Variants in SDK1 observed in about 807,000 individuals in gnomAD.
The protein encoded by SDK1 is protein sidekick-1.
A neutral mutation model predicts 245.5 loss-of-function variants in SDK1; 157 were observed. The ratio of observed to expected loss-of-function variants is 0.64; its 90% CI spans 0.56 to 0.73. SDK1 has a LOEUF of 0.73. Ranked by LOEUF, SDK1 falls within the 30% of genes least tolerant of loss-of-function variation. SDK1 has a pLI of 0.00. For synonymous variants in SDK1, 1,647 were observed against 1,278.5 expected (o/e 1.29, Z -6.15); for missense variants, 3,583 against 3,002.3 (o/e 1.19, Z -4.52).
At chr7:3,751,830 C>G (rs943037481) in intron 4 of SDK1, among the ~76,000 whole-genome samples, 1 of 152,172 alleles carries the variant, frequency 6.6e-6, no homozygotes, top group African/African-American at 2.4e-5. Context: ...GAGGACCGCT[C>G]CCTTCTGAAA....
intron 28 of SDK1, among the ~76,000 whole-genome samples, chr7:4,143,622 C>T (rs1311269436): frequency 1.3e-5 from 2 of 152,194 alleles, no homozygotes; most frequent in Non-Finnish European, 2.9e-5. Context: ...TTTGAAGGGC[C>T]CGCTAGCTTC....
At chr7:3,447,928 T>G (rs1236730698) in intron 1 of SDK1, among the ~76,000 whole-genome samples, 1 of 151,688 alleles carries the variant, frequency 6.6e-6, no homozygotes, top group African/African-American at 2.4e-5. Flanking sequence ...GGTCTCGAAT[T>G]CCCGAGCTCA....
chr7:4,253,474 C>T (rs1483684271), intron 44 of SDK1, among the ~76,000 whole-genome samples: 1 of 152,106 alleles, frequency 6.6e-6, no homozygotes, highest in African/African-American at 2.4e-5. Context: ...CTAATTATAT[C>T]CTATTTTGGT....
chr7:3,492,954 A>G (rs1445876471), intron 1 of SDK1, among the ~76,000 whole-genome samples: 1 of 151,828 alleles, frequency 6.6e-6, no homozygotes, highest in Non-Finnish European at 1.5e-5. Flanking sequence ...TTATTTTTTT[A>G]TTTTTCTATT....
At chr7:4,233,787 C>T (rs561998511) in intron 41 of SDK1, among the ~76,000 whole-genome samples, 1 of 152,300 alleles carries the variant, frequency 6.6e-6, no homozygotes, top group Non-Finnish European at 1.5e-5. Context: ...TCCTGGGCTG[C>T]TCCCTGCTTC....
intron 4 of SDK1, among the ~76,000 whole-genome samples, chr7:3,734,533 C>T (rs1583354882): frequency 6.6e-6 from 1 of 152,218 alleles, no homozygotes; most frequent in African/African-American, 2.4e-5. Flanking sequence ...ACTATCAAGT[C>T]AGTACTTCAG....
chr7:3,627,602 C>G (rs1782160659), intron 2 of SDK1, among the ~76,000 whole-genome samples: 3 of 152,208 alleles, frequency 2.0e-5, no homozygotes, highest in South Asian at 4.1e-4. Flanking sequence ...CAGCATCAGT[C>G]TCTGCCGTTG....
intron 1 of SDK1, among the ~76,000 whole-genome samples, chr7:3,574,215 C>G (rs1780212690): frequency 6.6e-6 from 1 of 151,688 alleles, no homozygotes; most frequent in Admixed American, 6.6e-5. Context: ...CTCCTAGATT[C>G]AAGCAATTCT....
At chr7:3,710,980 C>G (rs1298123171) in intron 4 of SDK1, among the ~76,000 whole-genome samples, 1 of 152,170 alleles carries the variant, frequency 6.6e-6, no homozygotes, top group African/African-American at 2.4e-5. Context: ...ACATGTATAT[C>G]AGTTTCAAAC....
At chr7:3,460,753 A>T (rs1780808990) in intron 1 of SDK1, among the ~76,000 whole-genome samples, 1 of 152,320 alleles carries the variant, frequency 6.6e-6, no homozygotes, top group East Asian at 1.9e-4. Flanking sequence ...TTGGGGCTAA[A>T]AACAGCCAGC....
At chr7:4,182,741 C>T (rs1013973497) in intron 35 of SDK1, among the ~76,000 whole-genome samples, 4 of 152,180 alleles carry the variant, frequency 2.6e-5, no homozygotes, top group African/African-American at 9.7e-5. Flanking sequence ...TCCTGAGGCT[C>T]CTGGCAGTAG....
chr7:3,954,630 G>A (rs1016068577), intron 7 of SDK1, among the ~76,000 whole-genome samples: 3 of 77,980 alleles, frequency 3.8e-5, no homozygotes, highest in Non-Finnish European at 7.5e-5. Context: ...CTTCCCCTCT[G>A]GCCTCCCCTC....
At chr7:3,891,905 A>G (rs6962058) in intron 5 of SDK1, among the ~76,000 whole-genome samples, 60,478 of 152,104 alleles carry the variant, frequency 0.4, 17,153 homozygotes, top group African/African-American at 0.81. Flanking sequence ...TTTTGGGAGG[A>G]GGCAAGGTGC....
chr7:3,697,653 A>C (rs750828316), intron 4 of SDK1, among the ~76,000 whole-genome samples: 9 of 152,124 alleles, frequency 5.9e-5, no homozygotes, highest in Admixed American at 2.6e-4. Context: ...TGCAAAAAGT[A>C]CTTGGTTTTA....
intron 1 of SDK1, among the ~76,000 whole-genome samples, chr7:3,380,946 T>C (rs1040220412): frequency 6.6e-6 from 1 of 152,220 alleles, no homozygotes; most frequent in African/African-American, 2.4e-5. Flanking sequence ...CAAGCTTTTG[T>C]GGTTATGTTT....
At chr7:3,740,855 A>G (rs955063217) in intron 4 of SDK1, among the ~76,000 whole-genome samples, 1 of 152,162 alleles carries the variant, frequency 6.6e-6, no homozygotes, top group Non-Finnish European at 1.5e-5. Context: ...TATGAAGGAG[A>G]TGATTTTCAG....
At chr7:4,109,138 G>A (rs888627810) in intron 22 of SDK1, among the ~76,000 whole-genome samples, 1 of 152,174 alleles carries the variant, frequency 6.6e-6, no homozygotes. Flanking sequence ...GTGCCTGCAG[G>A]TATCTGTTAA....
chr7:3,360,757 CTG>C (rs1780929256), intron 1 of SDK1, among the ~76,000 whole-genome samples: 1 of 152,126 alleles, frequency 6.6e-6, no homozygotes, highest in African/African-American at 2.4e-5. Flanking sequence ...GTCAGTCTGA[CTG>C]TATTAGCAGT....
chr7:3,875,955 T>A (rs1005559216), intron 5 of SDK1, among the ~76,000 whole-genome samples: 2 of 152,176 alleles, frequency 1.3e-5, no homozygotes, highest in South Asian at 2.1e-4. Flanking sequence ...GCCTGGCAGT[T>A]CTCTTGAGCA....
Sources: gnomAD v4.1 joint callset for allele counts (sites outside exome capture counted in the v4.1 genomes callset) on GRCh38, gnomAD v4.1.1 for gene constraint, MANE v1.5 for transcripts, NCBI Gene and HGNC (gene_info 2026-07-23, HGNC 2026-07-21) for gene names.